SYNPR: variants seen among roughly 807,000 people sequenced by gnomAD.
SYNPR encodes the protein synaptoporin.
Under a neutral mutation model 32.9 loss-of-function variants are expected in SYNPR, and 23 were observed. The observed-to-expected ratio is 0.70, with a 90% confidence interval of 0.50 to 0.99. SYNPR has a LOEUF of 0.99. SYNPR is among the 50% of genes least tolerant of loss of function. SYNPR has a pLI of 0.00. For missense variants in SYNPR, 318 were observed against 349.3 expected, an observed-to-expected ratio of 0.91 and a Z score of 0.71; for synonymous variants, 146 against 135.9, an observed-to-expected ratio of 1.07 and a Z score of -0.52.
intron 2 of SYNPR, among the ~76,000 whole-genome samples, chr3:63,479,471 C>CACACACACACACGT (rs71631155): frequency 6.6e-6 from 1 of 152,112 alleles, no homozygotes; most frequent in Non-Finnish European, 1.5e-5. Context: ...CACACACACA[C>CACACACACACACGT]GTGACTCACA....
chr3:63,388,362 A>G (rs944314973), intron 2 of SYNPR, among the ~76,000 whole-genome samples: 7 of 148,044 alleles, frequency 4.7e-5, no homozygotes, highest in African/African-American at 1.7e-4. Flanking sequence ...TTCAAAACCC[A>G]AGTAAAGTTT....
intron 2 of SYNPR, among the ~76,000 whole-genome samples, chr3:63,422,457 A>G (rs1423862319): frequency 6.6e-6 from 1 of 152,228 alleles, no homozygotes; most frequent in Non-Finnish European, 1.5e-5. Context: ...AAAGAGGCAC[A>G]AGGAAACTTA....
At chr3:63,341,672 C>T (rs1341127410) in intron 2 of SYNPR, among the ~76,000 whole-genome samples, 1 of 152,122 alleles carries the variant, frequency 6.6e-6, no homozygotes, top group East Asian at 1.9e-4. Context: ...AATGAATGTT[C>T]ATATCTTTTG....
chr3:63,321,396 G>A (rs1402916144), intron 2 of SYNPR, among the ~76,000 whole-genome samples: 1 of 151,966 alleles, frequency 6.6e-6, no homozygotes, highest in Non-Finnish European at 1.5e-5. Context: ...AGAATTGTGA[G>A]GGTCAAATAT....
chr3:63,292,718 T>C lies in SYNPR; in HGVS notation c.84+13976T>C, dbSNP rs552658972. Among the ~76,000 whole-genome samples the C allele has an allele frequency of 2.6e-5, 4 of 152,376 alleles. No individual in the cohort carries two copies. In the South Asian group the frequency reaches 8.3e-4, roughly 32 times the overall value. On this transcript the variant is annotated intron_variant, in intron 2 of 5. Coordinates refer to ENST00000478300, the MANE Select transcript of SYNPR (RefSeq NM_001130003.2). ...CCAAATATTCTTTTACTGCAAAACT[T>C]TGCAAAGAAAGCATTGGAAAATTCA...
intron 3 of SYNPR, among the ~76,000 whole-genome samples, chr3:63,540,927 C>CA: frequency 1.0e-5 from 1 of 96,258 alleles, no homozygotes; most frequent in African/African-American, 4.6e-5. Flanking sequence ...CAATCCCCCC[C>CA]CCAACACACA....
At chr3:63,360,213 C>T (rs991625164) in intron 2 of SYNPR, among the ~76,000 whole-genome samples, 4 of 152,144 alleles carry the variant, frequency 2.6e-5, no homozygotes, top group Non-Finnish European at 5.9e-5. Flanking sequence ...CCCAAAATCT[C>T]GGAGACATCT....
chr3:63,471,626 C>T (rs748811942), intron 2 of SYNPR, among the ~76,000 whole-genome samples: 2 of 152,170 alleles, frequency 1.3e-5, no homozygotes, highest in Admixed American at 6.5e-5. Flanking sequence ...TGAGGGAGGC[C>T]GCAGTTAACA....
chr3:63,592,009 C>T (rs1699838310), intron 4 of SYNPR, among the ~76,000 whole-genome samples: 1 of 151,614 alleles, frequency 6.6e-6, no homozygotes, highest in South Asian at 2.1e-4. Flanking sequence ...AGATGTAATT[C>T]AGTTAAGGAT....
At chr3:63,509,307 C>CAT (rs1252704642) in intron 3 of SYNPR, among the ~76,000 whole-genome samples, 31 of 149,836 alleles carry the variant, frequency 2.1e-4, no homozygotes, top group Non-Finnish European at 4.0e-4. Flanking sequence ...TATACACACA[C>CAT]ATATATATAA....
Position 63,337,447 on chromosome 3 carries a change from A to G in SYNPR, c.84+58705A>G, listed in dbSNP as rs188378784. On this transcript the variant is annotated intron_variant, in intron 2 of 5. Coordinates refer to ENST00000478300, the MANE Select transcript of SYNPR (RefSeq NM_001130003.2). Reference sequence around the variant, plus strand: ...CAAAATGGTACAGTCACTCTAGAAGATAGTTTCACAGTTTCATACAAAGTG... The same window carrying G: ...CAAAATGGTACAGTCACTCTAGAAGGTAGTTTCACAGTTTCATACAAAGTG... Among the ~76,000 whole-genome samples the G allele has an allele frequency of 3.6e-3, 550 of 152,244 alleles. 1 individual carries two copies. Among genetic ancestry groups the G allele is most frequent in the Non-Finnish European group, 5.3e-3 (363 of 68,008 alleles).
At chr3:63,601,114 A>G (rs1170703625) in intron 4 of SYNPR, among the ~76,000 whole-genome samples, 1 of 152,062 alleles carries the variant, frequency 6.6e-6, no homozygotes, top group Non-Finnish European at 1.5e-5. Flanking sequence ...CTCTACTAAA[A>G]ATACAAAATT....
At chr3:63,224,294 T>C (rs921284339), upstream of SYNPR, among the ~76,000 whole-genome samples, 5 of 152,128 alleles carry the variant, frequency 3.3e-5, no homozygotes, top group African/African-American at 9.7e-5. Context: ...GCAGGCTCCT[T>C]ATGAGAATCT....
chr3:63,488,267 T>C (rs1701193909), intron 3 of SYNPR, among the ~76,000 whole-genome samples: 1 of 152,260 alleles, frequency 6.6e-6, no homozygotes, highest in Non-Finnish European at 1.5e-5. Context: ...TGTTTCTCAT[T>C]ACCAAAGGGT....
chr3:63,561,993 T>C (rs1243450062), intron 4 of SYNPR, among the ~76,000 whole-genome samples: 1 of 152,096 alleles, frequency 6.6e-6, no homozygotes, highest in South Asian at 2.1e-4. Flanking sequence ...AGTTAGAAAA[T>C]TGGGCCAAAG....
intron 4 of SYNPR, among the ~76,000 whole-genome samples, chr3:63,585,723 G>A (rs1043718974): frequency 2.6e-5 from 4 of 152,144 alleles, no homozygotes; most frequent in South Asian, 2.1e-4. Context: ...TCATTTATCC[G>A]ATGCCTAGTT....
chr3:63,483,737 G>GA (rs1012902904), intron 3 of SYNPR, among the ~76,000 whole-genome samples: 3 of 152,106 alleles, frequency 2.0e-5, no homozygotes, highest in Admixed American at 2.0e-4. Flanking sequence ...TGAAGTAGGT[G>GA]AAAAAAATCT....
At chr3:63,388,556 T>TTGTGTGTGTGTGTGTGTGTG (rs749669898) in intron 2 of SYNPR, among the ~76,000 whole-genome samples, 9 of 128,016 alleles carry the variant, frequency 7.0e-5, no homozygotes, top group African/African-American at 1.2e-4. Flanking sequence ...CCCGGCTAAT[T>TTGTGTGTGTGTGTGTGTGTG]TGTGTGTGTG....
intron 2 of SYNPR, among the ~76,000 whole-genome samples, chr3:63,366,945 G>C (rs2087734937): frequency 6.6e-6 from 1 of 152,208 alleles, no homozygotes; most frequent in African/African-American, 2.4e-5. Flanking sequence ...TGATAGACCA[G>C]GTGGTGGTGG....
Sources: allele counts gnomAD v4.1 joint callset (sites outside exome capture counted in the v4.1 genomes callset), GRCh38; gene constraint gnomAD v4.1.1; transcripts MANE v1.5; gene names NCBI Gene and HGNC (gene_info 2026-07-23, HGNC 2026-07-21).